The following BACH2 variants were observed in gnomAD, a reference collection of about 807,000 sequenced individuals.
BACH2 encodes the protein BACH transcriptional regulator 2, also known as transcription regulator protein BACH2.
In BACH2, 5 loss-of-function variants were observed where a neutral mutation model predicts 61.8. The observed-to-expected ratio is 0.08, with a 90% confidence interval of 0.04 to 0.17. The LOEUF (loss-of-function observed/expected upper bound fraction) is 0.17. Ranked by LOEUF, BACH2 falls within the 10% of genes least tolerant of loss-of-function variation. The pLI is 1.00. For synonymous variants in BACH2, 446 were observed against 440.1 expected (o/e 1.01, Z -0.17); for missense variants, 824 against 1,091.1 (o/e 0.76, Z 3.45).
At chr6:90,292,499 T>C (rs1335223002) in intron 1 of BACH2, among the ~76,000 whole-genome samples, 1 of 152,236 alleles carries the variant, frequency 6.6e-6, no homozygotes, top group Non-Finnish European at 1.5e-5. Flanking sequence ...GGAATCACAC[T>C]GTACTCATGG....
Position 89,926,673 on chromosome 6 carries a change from C to A in BACH2, c.*5735G>T, listed in dbSNP as rs552992903. 7.2e-5 allele frequency: 11 copies of A among 152,056 alleles called. No individual in the cohort carries two copies. The highest frequency in any genetic ancestry group is 2.1e-4 in the South Asian group (1 of 4,792). 9.4% of individuals were successfully genotyped at this position (152,056 alleles called of 1,614,324 possible). A position where few individuals can be genotyped will look rare whatever the true frequency, so the allele number is the denominator to read the frequency against. On this transcript the variant is annotated 3_prime_UTR_variant, in exon 9 of 9. Transcript: ENST00000257749. ...ACAATGAGTAAATGAAGTTTCAATT[C>A]ATTAGTTCATAGCAATGCTTTTTTC... is the stretch of plus-strand genomic sequence containing the variant.
chr6:90,088,205 T>C (rs763802759), intron 5 of BACH2, among the ~76,000 whole-genome samples: 3 of 152,190 alleles, frequency 2.0e-5, no homozygotes, highest in Admixed American at 1.3e-4. Flanking sequence ...GGAGGGATAA[T>C]GCTATGATGA....
intron 5 of BACH2, among the ~76,000 whole-genome samples, chr6:90,022,928 A>G (rs1179174791): frequency 6.6e-6 from 1 of 152,248 alleles, no homozygotes; most frequent in Non-Finnish European, 1.5e-5. Context: ...GAGTGTTCAC[A>G]GAATTGTTCA....
intron 6 of BACH2, among the ~76,000 whole-genome samples, chr6:89,970,425 C>T (rs2128360949): frequency 6.6e-6 from 1 of 152,340 alleles, no homozygotes; most frequent in South Asian, 2.1e-4. Context: ...GGGTTTATTA[C>T]TGTACCTGAC....
Position 89,967,810 on chromosome 6 carries a change from T to G in BACH2, c.244-15948A>C, listed in dbSNP as rs76229317. On this transcript the variant is annotated intron_variant, in intron 6 of 8. Transcript: ENST00000257749. ...GCTCATGAACTCTCCTCTCTGTTGATGCCATCTCTCCTCTCTCCTGCCCCT... is the reference window on the plus strand; with the variant it reads ...GCTCATGAACTCTCCTCTCTGTTGAGGCCATCTCTCCTCTCTCCTGCCCCT... Among the ~76,000 whole-genome samples the G allele has an allele frequency of 6.9e-3, 1,051 of 152,344 alleles. 12 individuals are homozygous for G. The highest frequency in any genetic ancestry group is 0.023 in the African/African-American group (975 of 41,580).
chr6:89,987,610 A>G (rs1776313213), intron 6 of BACH2, among the ~76,000 whole-genome samples: 1 of 152,150 alleles, frequency 6.6e-6, no homozygotes, highest in South Asian at 2.1e-4. Flanking sequence ...AATTTTAAGG[A>G]AGATAGATTT....
At chr6:90,022,975 C>T (rs528382428) in intron 5 of BACH2, among the ~76,000 whole-genome samples, 19 of 152,124 alleles carry the variant, frequency 1.2e-4, no homozygotes, top group Non-Finnish European at 2.2e-4. Context: ...CATGTCTATC[C>T]GTAGCAGAAT....
At chr6:90,141,488 C>T (rs1195073661) in intron 4 of BACH2, among the ~76,000 whole-genome samples, 2 of 145,800 alleles carry the variant, frequency 1.4e-5, no homozygotes, top group Non-Finnish European at 1.5e-5. Context: ...GCCCCGATCC[C>T]GTTTTTTTTT....
chr6:89,976,045 A>C (rs1775632185), intron 6 of BACH2, among the ~76,000 whole-genome samples: 1 of 152,240 alleles, frequency 6.6e-6, no homozygotes. Context: ...GAGCTAGGAA[A>C]TTAAGAGTTA....
intron 4 of BACH2, among the ~76,000 whole-genome samples, chr6:90,157,253 T>A (rs1453300378): frequency 6.6e-6 from 1 of 152,224 alleles, no homozygotes; most frequent in Non-Finnish European, 1.5e-5. Flanking sequence ...GGATTTAGCA[T>A]TGGGCTCAAT....
chr6:90,091,736 G>A (rs1782168030), intron 4 of BACH2, among the ~76,000 whole-genome samples: 2 of 151,992 alleles, frequency 1.3e-5, no homozygotes, highest in Non-Finnish European at 2.9e-5. Flanking sequence ...TTGAGGAGTG[G>A]GGGGTGCAAA....
chr6:89,942,081 A>G, intron 7 of BACH2, among the ~76,000 whole-genome samples: 1 of 152,100 alleles, frequency 6.6e-6, no homozygotes, highest in East Asian at 1.9e-4. Context: ...CAGGTGAAAA[A>G]AACCCCAACT....
intron 4 of BACH2, among the ~76,000 whole-genome samples, chr6:90,189,899 CT>C (rs1768508122): frequency 6.6e-6 from 1 of 152,138 alleles, no homozygotes; most frequent in Non-Finnish European, 1.5e-5. Flanking sequence ...ATCATCTCCC[CT>C]CTGAAGCCTC....
chr6:90,210,888 T>G (rs1361912399), intron 3 of BACH2, among the ~76,000 whole-genome samples: 1 of 151,438 alleles, frequency 6.6e-6, no homozygotes, highest in East Asian at 1.9e-4. Flanking sequence ...AGAAGAAAGG[T>G]GGTCCAGAAT....
chr6:90,123,517 T>C (rs1360577302), intron 4 of BACH2, among the ~76,000 whole-genome samples: 3 of 150,954 alleles, frequency 2.0e-5, no homozygotes, highest in Non-Finnish European at 2.9e-5. Context: ...ACGCCTGTAA[T>C]CCCAGCACTT....
chr6:90,022,063 A>C (rs1778403754), intron 5 of BACH2, among the ~76,000 whole-genome samples: 2 of 152,222 alleles, frequency 1.3e-5, no homozygotes, highest in African/African-American at 2.4e-5. Flanking sequence ...TCTAGGGGAA[A>C]GTTCAATGTT....
chr6:89,989,582 C>T (rs754126285), intron 6 of BACH2, among the ~76,000 whole-genome samples: 5 of 152,112 alleles, frequency 3.3e-5, no homozygotes, highest in Non-Finnish European at 7.4e-5. Flanking sequence ...TGGCAGCATG[C>T]ATTATAGTTG....
At chr6:89,984,861 A>G (rs1002195490) in intron 6 of BACH2, among the ~76,000 whole-genome samples, 1 of 152,254 alleles carries the variant, frequency 6.6e-6, no homozygotes, top group South Asian at 2.1e-4. Context: ...CACACGAATC[A>G]TACTTTCTGC....
At chr6:90,055,642 G>A (rs1374727138) in intron 5 of BACH2, among the ~76,000 whole-genome samples, 6 of 142,224 alleles carry the variant, frequency 4.2e-5, no homozygotes, top group East Asian at 2.0e-4. Flanking sequence ...GATACTCCTC[G>A]AGAAGAGCAA....
Sources: gnomAD v4.1 joint callset for allele counts (sites outside exome capture counted in the v4.1 genomes callset) on GRCh38, gnomAD v4.1.1 for gene constraint, MANE v1.5 for transcripts, NCBI Gene and HGNC (gene_info 2026-07-23, HGNC 2026-07-21) for gene names.